The following CSMD1 variants were observed in gnomAD, a reference collection of about 807,000 sequenced individuals.
The protein encoded by CSMD1 is CUB and Sushi multiple domains 1.
A neutral mutation model predicts 417.5 loss-of-function variants in CSMD1; 213 were observed. The ratio of observed to expected loss-of-function variants is 0.51; its 90% confidence interval spans 0.46 to 0.57. The LOEUF (loss-of-function observed/expected upper bound fraction) is 0.57. Ranked by LOEUF, CSMD1 falls within the 20% of genes least tolerant of loss-of-function variation. CSMD1 has a pLI of 0.00. For synonymous variants in CSMD1, 2,862 were observed against 1,736.8 expected (o/e 1.65, Z -16.11); for missense variants, 6,923 against 4,529.7 (o/e 1.53, Z -15.17).
In CSMD1 at chr8:4,616,735, G is replaced by A. The variant is rs185850901; in HGVS notation, c.302+20607C>T. ...ATCCAATGGTGATGATCATCATTGT[G>A]TATGTTTTCCAGGGATATTGGCATA... On this transcript the variant is annotated intron_variant, in intron 2 of 69. Transcript: ENST00000635120. 5.3e-5 allele frequency among the ~76,000 whole-genome samples: 8 copies of A among 152,242 alleles called. No individual in the cohort carries two copies. In the East Asian group the frequency reaches 1.5e-3, roughly 29 times the overall value.
intron 5 of CSMD1, among the ~76,000 whole-genome samples, chr8:3,934,209 C>G (rs1187476350): frequency 1.3e-5 from 2 of 152,186 alleles, no homozygotes; most frequent in Non-Finnish European, 2.9e-5. Flanking sequence ...TTTCATTACA[C>G]TCCTACCTAA....
At chr8:4,662,655 C>A (rs763252260) in intron 1 of CSMD1, among the ~76,000 whole-genome samples, 1 of 152,148 alleles carries the variant, frequency 6.6e-6, no homozygotes, top group African/African-American at 2.4e-5. Flanking sequence ...CCCTTTCAGC[C>A]GCCACTTCGT....
intron 14 of CSMD1, among the ~76,000 whole-genome samples, chr8:3,407,474 T>G (rs533552240): frequency 9.2e-5 from 14 of 151,628 alleles, no homozygotes; most frequent in African/African-American, 3.1e-4. Context: ...AAAGGATGGA[T>G]AGATGCATGG....
intron 3 of CSMD1, among the ~76,000 whole-genome samples, chr8:4,337,722 G>T (rs1237687285): frequency 1.3e-5 from 2 of 152,112 alleles, no homozygotes; most frequent in African/African-American, 4.8e-5. Flanking sequence ...TCAAGTATTT[G>T]CCATTGACAT....
intron 26 of CSMD1, among the ~76,000 whole-genome samples, chr8:3,274,549 A>C (rs577240892): frequency 3.9e-5 from 6 of 151,918 alleles, no homozygotes; most frequent in Non-Finnish European, 5.9e-5. Flanking sequence ...CCCATTATTA[A>C]TGTGTGGGAG....
At chr8:4,191,163 G>T (rs369521126) in intron 3 of CSMD1, among the ~76,000 whole-genome samples, 1 of 152,184 alleles carries the variant, frequency 6.6e-6, no homozygotes, top group Non-Finnish European at 1.5e-5. Flanking sequence ...TTGGGAGGCC[G>T]AGGCAGGTGG....
At chr8:4,393,426 T>C (rs1465437715) in intron 3 of CSMD1, among the ~76,000 whole-genome samples, 2 of 152,162 alleles carry the variant, frequency 1.3e-5, no homozygotes, top group Non-Finnish European at 2.9e-5. Flanking sequence ...GGAAAATACA[T>C]AGAACCCAAA....
At chr8:3,736,725 C>G (rs1287980813) in intron 6 of CSMD1, among the ~76,000 whole-genome samples, 2 of 152,230 alleles carry the variant, frequency 1.3e-5, no homozygotes, top group Non-Finnish European at 2.9e-5. Context: ...TTCACACTGC[C>G]TGGCTTCAAA....
At chr8:2,948,289 C>A (rs1305147447) in intron 68 of CSMD1, among the ~76,000 whole-genome samples, 2 of 151,854 alleles carry the variant, frequency 1.3e-5, no homozygotes, top group African/African-American at 4.8e-5. Context: ...AACTTCTATA[C>A]TGAGATTTAA....
chr8:4,027,869 G>A (rs1197020246), intron 4 of CSMD1, among the ~76,000 whole-genome samples: 3 of 152,116 alleles, frequency 2.0e-5, no homozygotes, highest in Non-Finnish European at 4.4e-5. Context: ...AATAAATAAA[G>A]AGAACAAAGA....
intron 3 of CSMD1, among the ~76,000 whole-genome samples, chr8:4,166,925 C>G (rs1797489806): frequency 6.6e-6 from 1 of 152,140 alleles, no homozygotes; most frequent in African/African-American, 2.4e-5. Context: ...GCTCAGCAGC[C>G]AGGTGGGGTC....
intron 5 of CSMD1, among the ~76,000 whole-genome samples, chr8:3,840,449 C>T (rs1456778917): frequency 6.6e-6 from 1 of 152,030 alleles, no homozygotes; most frequent in Non-Finnish European, 1.5e-5. Context: ...AGCAAGAGTA[C>T]CTCTTGCCCT....
At chr8:4,191,822 T>A (rs1329503266) in intron 3 of CSMD1, among the ~76,000 whole-genome samples, 1 of 151,764 alleles carries the variant, frequency 6.6e-6, no homozygotes, top group African/African-American at 2.4e-5. Flanking sequence ...ATCGAATGAT[T>A]TACAATATGA....
chr8:3,784,093 T>G (rs1233900707), intron 5 of CSMD1, among the ~76,000 whole-genome samples: 2 of 152,164 alleles, frequency 1.3e-5, no homozygotes, highest in East Asian at 1.9e-4. Context: ...TCGGAAAACA[T>G]TAGTGTGTTT....
intron 7 of CSMD1, among the ~76,000 whole-genome samples, chr8:3,677,544 G>A (rs755138955): frequency 2.0e-5 from 3 of 152,130 alleles, no homozygotes; most frequent in African/African-American, 4.8e-5. Flanking sequence ...TGGGCTCAGC[G>A]AGAGGCACCC....
intron 49 of CSMD1, among the ~76,000 whole-genome samples, chr8:3,081,577 A>C (rs1814099901): frequency 6.6e-6 from 1 of 152,206 alleles, no homozygotes; most frequent in Admixed American, 6.5e-5. Context: ...TGCATTAGTA[A>C]TTACATTCCC....
At chr8:3,302,459 C>T (rs1406952575) in intron 25 of CSMD1, among the ~76,000 whole-genome samples, 2 of 152,118 alleles carry the variant, frequency 1.3e-5, no homozygotes, top group Non-Finnish European at 2.9e-5. Flanking sequence ...CCTGTAATTC[C>T]ATTTATGTGT....
intron 4 of CSMD1, among the ~76,000 whole-genome samples, chr8:4,012,672 C>G (rs1316352700): frequency 1.3e-5 from 2 of 152,140 alleles, no homozygotes; most frequent in African/African-American, 4.8e-5. Context: ...TGAATTCCAG[C>G]TTTATGTATC....
chr8:4,191,582 C>G (rs1799035018), intron 3 of CSMD1, among the ~76,000 whole-genome samples: 2 of 152,098 alleles, frequency 1.3e-5, no homozygotes, highest in Admixed American at 6.5e-5. Context: ...CCATGAATCA[C>G]TGTTCTTCAG....
Sources: allele counts gnomAD v4.1 joint callset (sites outside exome capture counted in the v4.1 genomes callset), GRCh38; gene constraint gnomAD v4.1.1; transcripts MANE v1.5; gene names NCBI Gene and HGNC (gene_info 2026-07-23, HGNC 2026-07-21).